The following SLC12A8 variants were observed in gnomAD, a reference collection of about 807,000 sequenced individuals.
SLC12A8 encodes solute carrier family 12 member 8, also known as cation-chloride cotransporter 9.
A neutral mutation model predicts 75.6 loss-of-function variants in SLC12A8; 69 were observed. The observed-to-expected ratio is 0.91, with a 90% CI of 0.75 to 1.11. The LOEUF (loss-of-function observed/expected upper bound fraction) is 1.11, where lower values mean the gene tolerates loss of function less well. Among genes scored for constraint, SLC12A8 ranks in the 50% most tolerant of loss-of-function variants. SLC12A8 has a pLI of 0.00. For missense variants in SLC12A8, 877 were observed against 896.7 expected, an observed-to-expected ratio of 0.98 and a Z score of 0.28; for synonymous variants, 365 against 372.8, an observed-to-expected ratio of 0.98 and a Z score of 0.24.
chr3:125,099,223 C>G (rs771220880), intron 10 of SLC12A8, among the ~76,000 whole-genome samples: 1 of 152,182 alleles, frequency 6.6e-6, no homozygotes, highest in Non-Finnish European at 1.5e-5. Context: ...CAAGGCTAAA[C>G]ACATAAGAAT....
chr3:125,119,055 G>A (rs1199185563), intron 7 of SLC12A8, 199 bp from the exon 8 acceptor site: 1 of 470,938 alleles, frequency 2.1e-6, no homozygotes, highest in Non-Finnish European at 3.9e-6. Flanking sequence ...CCAAAAAAGG[G>A]GTACCATTGT....
chr3:125,212,324 T>A (rs1353560120), intron 1 of SLC12A8, among the ~76,000 whole-genome samples: 1 of 152,052 alleles, frequency 6.6e-6, no homozygotes, highest in Non-Finnish European at 1.5e-5. Context: ...CACCCGGGTG[T>A]CCCCGGCTGC....
intron 5 of SLC12A8, among the ~76,000 whole-genome samples, chr3:125,147,388 C>T (rs1328294945): frequency 6.6e-6 from 1 of 152,224 alleles, no homozygotes; most frequent in Admixed American, 6.5e-5. Flanking sequence ...CTGCTCTCAG[C>T]CTTCTAGCTC....
intron 8 of SLC12A8, among the ~76,000 whole-genome samples, chr3:125,111,955 C>T (rs531191977): frequency 5.3e-5 from 8 of 152,348 alleles, no homozygotes; most frequent in South Asian, 4.1e-4. Context: ...GCCAACACCC[C>T]TGCTGCCCTG....
At chr3:125,132,100 G>C (rs909375181) in intron 6 of SLC12A8, among the ~76,000 whole-genome samples, 1 of 152,196 alleles carries the variant, frequency 6.6e-6, no homozygotes, top group South Asian at 2.1e-4. Context: ...AGGAATTGCA[G>C]AGCCCCCCAA....
chr3:125,181,353 G>A (rs1214645673), intron 4 of SLC12A8, among the ~76,000 whole-genome samples: 1 of 151,800 alleles, frequency 6.6e-6, no homozygotes, highest in Non-Finnish European at 1.5e-5. Context: ...TGTAATCCCA[G>A]CACTTTGGGA....
At chr3:125,151,590 AG>A (rs200894748) in intron 5 of SLC12A8, 1 of 152,656 alleles carries the variant, frequency 6.6e-6, no homozygotes, top group African/African-American at 2.4e-5. Context: ...GAAATGCTGA[AG>A]GGGCAGCCCT....
chr3:125,178,058 G>A (rs1934578897), intron 4 of SLC12A8, 84 bp from the exon 5 acceptor site: 6 of 1,140,288 alleles, frequency 5.3e-6, no homozygotes, highest in Non-Finnish European at 7.7e-6. Flanking sequence ...TGAGAACCCT[G>A]CACCCCCATC....
chr3:125,182,242 A>T (rs1230404716), intron 4 of SLC12A8, among the ~76,000 whole-genome samples: 12 of 152,058 alleles, frequency 7.9e-5, no homozygotes, highest in African/African-American at 2.9e-4. Flanking sequence ...TGGGAGGATC[A>T]CTGGAGCCCA....
chr3:125,157,704 A>G (rs1167415081), intron 5 of SLC12A8, among the ~76,000 whole-genome samples: 1 of 152,192 alleles, frequency 6.6e-6, no homozygotes, highest in Non-Finnish European at 1.5e-5. Context: ...GTTTACTACC[A>G]GGTGAACACT....
At chr3:125,197,458 AT>A (rs1230062887) in intron 2 of SLC12A8, among the ~76,000 whole-genome samples, 4 of 151,978 alleles carry the variant, frequency 2.6e-5, no homozygotes, top group Non-Finnish European at 5.9e-5. Flanking sequence ...TGCCCAGCTA[AT>A]TTTTGTATGT....
intron 8 of SLC12A8, among the ~76,000 whole-genome samples, chr3:125,116,023 C>T (rs56118182): frequency 0.036 from 5,461 of 152,260 alleles, 333 homozygotes; most frequent in African/African-American, 0.12. Context: ...TCTCCAGGTA[C>T]TGCCAGTAAA....
chr3:125,120,730 A>C (rs535683977), intron 6 of SLC12A8, 44 bp from the exon 7 acceptor site: 5 of 1,456,124 alleles, frequency 3.4e-6, no homozygotes, highest in Non-Finnish European at 2.9e-6. Flanking sequence ...AGCCTCCTCC[A>C]CGCATCGCCT....
chr3:125,121,281 C>T (rs1471432022), intron 6 of SLC12A8, among the ~76,000 whole-genome samples: 1 of 152,214 alleles, frequency 6.6e-6, no homozygotes. Context: ...TGAATTAATC[C>T]ATGAGGGACC....
chr3:125,120,305 G>T (rs557855097), intron 7 of SLC12A8, among the ~76,000 whole-genome samples: 2 of 151,446 alleles, frequency 1.3e-5, no homozygotes, highest in Non-Finnish European at 1.5e-5. Context: ...CAAAATGGGG[G>T]TGGGGGAGGG....
chr3:125,188,496 T>A (rs1258082678), intron 3 of SLC12A8, among the ~76,000 whole-genome samples: 1 of 152,216 alleles, frequency 6.6e-6, no homozygotes, highest in African/African-American at 2.4e-5. Flanking sequence ...TAAATGCTTG[T>A]TGAGCGAATA....
At chr3:125,207,179 C>T (rs1193447356) in intron 2 of SLC12A8, among the ~76,000 whole-genome samples, 1 of 152,180 alleles carries the variant, frequency 6.6e-6, no homozygotes, top group African/African-American at 2.4e-5. Flanking sequence ...GACGGGGAGC[C>T]TGCTCCCACG....
At chr3:125,103,590 G>C (rs148554937) in intron 10 of SLC12A8, among the ~76,000 whole-genome samples, 4 of 151,232 alleles carry the variant, frequency 2.6e-5, no homozygotes, top group African/African-American at 9.7e-5. Flanking sequence ...TCAGCCTCCT[G>C]AGTAGCTGGA....
At chr3:125,122,811 G>A (rs557417368) in intron 6 of SLC12A8, among the ~76,000 whole-genome samples, 5 of 152,128 alleles carry the variant, frequency 3.3e-5, no homozygotes, top group African/African-American at 4.8e-5. Flanking sequence ...ACAAATACAC[G>A]CATAAATAGA....
Sources: allele counts gnomAD v4.1 joint callset (sites outside exome capture counted in the v4.1 genomes callset), GRCh38; gene constraint gnomAD v4.1.1; transcripts MANE v1.5; gene names NCBI Gene and HGNC (gene_info 2026-07-23, HGNC 2026-07-21).